The following AGBL1 variants were observed in gnomAD, a reference collection of about 807,000 sequenced individuals.
AGBL1 encodes cytosolic carboxypeptidase 4.
Under a neutral mutation model 118.9 loss-of-function variants are expected in AGBL1, and 130 were observed. The ratio of observed to expected loss-of-function variants is 1.09; its 90% CI spans 0.95 to 1.26. The LOEUF (loss-of-function observed/expected upper bound fraction) is 1.26, where lower values mean the gene tolerates loss of function less well. Among genes scored for constraint, AGBL1 ranks in the 50% most tolerant of loss-of-function variants. The pLI is 0.00. For missense variants in AGBL1, 1,584 were observed against 1,298.1 expected (o/e 1.22, Z -3.38); for synonymous variants, 555 against 478.9 (o/e 1.16, Z -2.08).
chr15:86,564,772 C>T (rs1391860461), intron 21 of AGBL1, among the ~76,000 whole-genome samples: 1 of 152,208 alleles, frequency 6.6e-6, no homozygotes, highest in South Asian at 2.1e-4. Flanking sequence ...GTACACCAAT[C>T]AGATGTAGAT....
chr15:86,804,723 G>A (rs537744071), intron 22 of AGBL1, among the ~76,000 whole-genome samples: 1 of 152,238 alleles, frequency 6.6e-6, no homozygotes, highest in South Asian at 2.1e-4. Context: ...GGTATAATGA[G>A]GGATGGGAAA....
At chr15:86,877,003 G>C (rs748116424) in intron 22 of AGBL1, among the ~76,000 whole-genome samples, 1 of 151,990 alleles carries the variant, frequency 6.6e-6, no homozygotes, top group Non-Finnish European at 1.5e-5. Context: ...TCCCATTCCT[G>C]GTCTAGGAAA....
chr15:86,136,857 G>T (rs1422403094), intron 1 of AGBL1, among the ~76,000 whole-genome samples: 1 of 152,174 alleles, frequency 6.6e-6, no homozygotes, highest in Admixed American at 6.5e-5. Context: ...TGAGAAAATT[G>T]CAGTTCAAAA....
At position 86,180,256 on chromosome 15, in the gene AGBL1, A is replaced by AG. The variant is rs2077534579; in HGVS notation, c.488+21230_488+21231insG. Among the ~76,000 whole-genome samples the AG allele has an allele frequency of 2.6e-5, 4 of 152,268 alleles. No homozygotes were observed. In the South Asian group the frequency reaches 8.3e-4, roughly 32 times the overall value. On this transcript the variant is annotated intron_variant, in intron 5 of 22. Transcript: ENST00000614907. ...AGAATAGCCAAAGCAAATTTGAAAA[A>AG]AAAGAACAAAATTGGAGGACAAAGA...
At chr15:86,617,070 G>A (rs1391547757) in intron 21 of AGBL1, among the ~76,000 whole-genome samples, 2 of 152,130 alleles carry the variant, frequency 1.3e-5, no homozygotes, top group African/African-American at 4.8e-5. Context: ...CTGCTCACAT[G>A]TAAAAATCTA....
intron 21 of AGBL1, among the ~76,000 whole-genome samples, chr15:86,590,190 A>G (rs567083499): frequency 2.3e-4 from 35 of 152,310 alleles, no homozygotes. Flanking sequence ...AAAACACATT[A>G]TGGGAGGGAG....
At chr15:86,942,496 T>G (rs771441753) in intron 23 of AGBL1, among the ~76,000 whole-genome samples, 2 of 152,336 alleles carry the variant, frequency 1.3e-5, no homozygotes, top group Middle Eastern at 3.4e-3. Flanking sequence ...AATCAGATTC[T>G]GACTCATGGA....
At position 86,655,609 on chromosome 15, in the gene AGBL1, A is replaced by G. The variant is rs975960515; in HGVS notation, c.2995-18664A>G. Among the ~76,000 whole-genome samples the G allele has an allele frequency of 2.0e-5, 3 of 152,206 alleles. No homozygotes were observed. In the Middle Eastern group the frequency reaches 0.01, roughly 518 times the overall value. On this transcript the variant is annotated intron_variant, in intron 21 of 22. Coordinates refer to ENST00000614907, the MANE Select transcript of AGBL1 (RefSeq NM_001386094.1). ...CTAGGAAAGGACTTCCTCCCCATCA[A>G]ATTCATATATGTTGACAAAAAGAAC...
At chr15:86,746,945 T>A (rs2077765825) in intron 22 of AGBL1, among the ~76,000 whole-genome samples, 1 of 152,054 alleles carries the variant, frequency 6.6e-6, no homozygotes, top group Admixed American at 6.6e-5. Context: ...TGATACTGTT[T>A]AACTATTAAG....
chr15:86,143,200 G>A (rs925801576), intron 2 of AGBL1, among the ~76,000 whole-genome samples: 1 of 152,082 alleles, frequency 6.6e-6, no homozygotes, highest in Non-Finnish European at 1.5e-5. Flanking sequence ...CTACTGCAGT[G>A]GTTTCTGTAA....
rs528980578 is a variant in AGBL1 at position 86,327,742 on chromosome 15, A to T, written c.2374+32334A>T. Among the ~76,000 whole-genome samples, 7 of 152,328 alleles carry T rather than the reference A, an allele frequency of 4.6e-5. No individual in the cohort carries two copies. In the South Asian group the frequency reaches 1.5e-3, roughly 32 times the overall value. Reference sequence around the variant, plus strand: ...GAGACAGGTATAAAACTCAGAAAGGAATCAGAATGTATTTACAAATGAACC... The same window carrying T: ...GAGACAGGTATAAAACTCAGAAAGGTATCAGAATGTATTTACAAATGAACC... On this transcript the variant is annotated intron_variant, in intron 17 of 22. Transcript: ENST00000614907.
chr15:86,225,089 A>T, intron 6 of AGBL1, 138 bp downstream of exon 6: 1 of 865,562 alleles, frequency 1.2e-6, no homozygotes. Flanking sequence ...CTAATTCCTG[A>T]CCTTGAAAGT....
chr15:86,992,089 G>A (rs1488541744), intron 24 of AGBL1, among the ~76,000 whole-genome samples: 2 of 152,064 alleles, frequency 1.3e-5, no homozygotes. Flanking sequence ...CTGGTGAGAG[G>A]CCTCAAGGAG....
At position 86,772,715 on chromosome 15, in the gene AGBL1, C is replaced by T. The variant is rs183839923; in HGVS notation, c.3158+98279C>T. 2.2e-4 allele frequency among the ~76,000 whole-genome samples: 34 copies of T among 152,108 alleles called. No individual in the cohort carries two copies. The East Asian group carries it at 4.7e-3, about 21-fold the overall frequency. On this transcript the variant is annotated intron_variant, in intron 22 of 22. Transcript: ENST00000614907. ...AAAGGTAGGAGGAAATCAAGGAGGT[C>T]ATTTTGTCAACTAAGGCAGAAAGAA...
chr15:86,116,086 C>A (rs1897738472), intron 1 of AGBL1, among the ~76,000 whole-genome samples: 2 of 152,052 alleles, frequency 1.3e-5, no homozygotes, highest in South Asian at 4.2e-4. Context: ...GGCAGGGAAC[C>A]TAGAATTTAT....
At chr15:86,279,190 T>G (rs1167997683) in intron 15 of AGBL1, among the ~76,000 whole-genome samples, 1 of 152,210 alleles carries the variant, frequency 6.6e-6, no homozygotes, top group Non-Finnish European at 1.5e-5. Flanking sequence ...ATAAATCTAC[T>G]TGGCAGGTGG....
chr15:86,825,190 A>C (rs1022721849), intron 22 of AGBL1, among the ~76,000 whole-genome samples: 2 of 151,958 alleles, frequency 1.3e-5, no homozygotes, highest in African/African-American at 4.8e-5. Flanking sequence ...TGTAGAAGCA[A>C]TTGGACATCC....
chr15:86,832,288 C>CGGCTT (rs2079115769), intron 22 of AGBL1, among the ~76,000 whole-genome samples: 1 of 152,198 alleles, frequency 6.6e-6, no homozygotes, highest in African/African-American at 2.4e-5. Flanking sequence ...ATTTCTGCAG[C>CGGCTT]CGGCTTGAAT....
intron 17 of AGBL1, among the ~76,000 whole-genome samples, chr15:86,395,483 A>G (rs1283323318): frequency 1.3e-5 from 2 of 152,004 alleles, no homozygotes; most frequent in East Asian, 1.9e-4. Context: ...ACTTGTAATT[A>G]TTTTCTTTCA....
Sources: allele counts gnomAD v4.1 joint callset (sites outside exome capture counted in the v4.1 genomes callset), GRCh38; gene constraint gnomAD v4.1.1; transcripts MANE v1.5; gene names NCBI Gene and HGNC (gene_info 2026-07-23, HGNC 2026-07-21).